The following TRPS1 variants were observed in gnomAD, a reference collection of about 807,000 sequenced individuals.
The protein encoded by TRPS1 is zinc finger transcription factor Trps1.
A neutral mutation model predicts 101.2 loss-of-function variants in TRPS1; 6 were observed. That is an observed-to-expected ratio of 0.06 (90% CI 0.03 to 0.12). The LOEUF (loss-of-function observed/expected upper bound fraction) is 0.12. Among genes scored for constraint, TRPS1 ranks in the 10% least tolerant of loss-of-function variants. The pLI is 1.00. For missense variants in TRPS1, 1,363 were observed against 1,567.0 expected, an observed-to-expected ratio of 0.87 and a Z score of 2.20; for synonymous variants, 578 against 589.8, an observed-to-expected ratio of 0.98 and a Z score of 0.29.
chr8:115,522,960 T>C (rs942688362), intron 5 of TRPS1, among the ~76,000 whole-genome samples: 5 of 152,128 alleles, frequency 3.3e-5, no homozygotes, highest in Non-Finnish European at 5.9e-5. Context: ...TACTTCCATG[T>C]TGATTTAAAA....
At chr8:115,455,737 G>A (rs578097448) in intron 5 of TRPS1, among the ~76,000 whole-genome samples, 4 of 148,318 alleles carry the variant, frequency 2.7e-5, no homozygotes, top group African/African-American at 9.9e-5. Flanking sequence ...TTTTTTCTAT[G>A]CCATATGGCT....
chr8:115,542,611 C>A (rs572100295), intron 5 of TRPS1, among the ~76,000 whole-genome samples: 4 of 152,086 alleles, frequency 2.6e-5, no homozygotes, highest in Non-Finnish European at 5.9e-5. Flanking sequence ...AGGATTTAGG[C>A]GCCGGCCACT....
chr8:115,611,176 TAAAC>T (rs1182795125), intron 3 of TRPS1, among the ~76,000 whole-genome samples: 5 of 143,504 alleles, frequency 3.5e-5, no homozygotes, highest in African/African-American at 1.3e-4. Context: ...ATAGGAAAAA[TAAAC>T]AAGACAAAAT....
intron 5 of TRPS1, chr8:115,511,422 G>A (rs1815580797): frequency 6.6e-6 from 1 of 151,938 alleles, no homozygotes; most frequent in Non-Finnish European, 1.5e-5. Context: ...CTGTTATTGG[G>A]TGTCTATGTC....
intron 3 of TRPS1, among the ~76,000 whole-genome samples, chr8:115,617,554 T>A (rs1367424551): frequency 6.6e-6 from 1 of 152,202 alleles, no homozygotes; most frequent in African/African-American, 2.4e-5. Context: ...TAGATCAGCT[T>A]CCCTCAGAAG....
intron 5 of TRPS1, among the ~76,000 whole-genome samples, chr8:115,442,837 A>C (rs982231887): frequency 6.6e-6 from 1 of 151,840 alleles, no homozygotes; most frequent in Non-Finnish European, 1.5e-5. Flanking sequence ...CACGCCGGTA[A>C]TCCCAGCACT....
At chr8:115,538,336 T>C (rs1302935657) in intron 5 of TRPS1, among the ~76,000 whole-genome samples, 1 of 152,216 alleles carries the variant, frequency 6.6e-6, no homozygotes, top group Non-Finnish European at 1.5e-5. Flanking sequence ...TAATACTGTA[T>C]ATTATTGCAT....
intron 1 of TRPS1, among the ~76,000 whole-genome samples, chr8:115,639,473 T>C (rs1818846018): frequency 6.6e-6 from 1 of 152,178 alleles, no homozygotes. Flanking sequence ...TTCAAAATCA[T>C]TGACTCTTAT....
At chr8:115,422,394 C>T (rs1251697513) in intron 5 of TRPS1, among the ~76,000 whole-genome samples, 2 of 149,166 alleles carry the variant, frequency 1.3e-5, no homozygotes, top group Non-Finnish European at 1.5e-5. Flanking sequence ...TGAGATGGAG[C>T]GTTGCTCTGT....
At chr8:115,453,639 A>C (rs957819581) in intron 5 of TRPS1, among the ~76,000 whole-genome samples, 1 of 151,436 alleles carries the variant, frequency 6.6e-6, no homozygotes, top group Non-Finnish European at 1.5e-5. Flanking sequence ...ACTTAAATCT[A>C]TCAGCAATAA....
At chr8:115,583,856 A>G (rs1200408129) in intron 5 of TRPS1, among the ~76,000 whole-genome samples, 2 of 152,088 alleles carry the variant, frequency 1.3e-5, no homozygotes, top group Admixed American at 6.5e-5. Context: ...CATAAATGAT[A>G]TCATATTGAA....
chr8:115,604,401 A>G lies in TRPS1; in HGVS notation c.1568T>C (p.Phe523Ser). Residue 523 changes from phenylalanine to serine, a missense_variant, in exon 4 of 7, where the codon TTC becomes TCC. Transcript: ENST00000395715. This position sits in a 1 kb window ranked among gnomAD's most constrained non-coding sequence, Gnocchi z 4.1. ...ATTATCCTCGGCTCCCTTGCTGGAGAAGTCCTTCTTTTTAGCCCCACTCGA... is the reference window on the plus strand; with the variant it reads ...ATTATCCTCGGCTCCCTTGCTGGAGGAGTCCTTCTTTTTAGCCCCACTCGA... Reference protein sequence around the residue: ...KSSSGAKKKDFSSKGAEDNMV... With the variant: ...KSSSGAKKKDSSSKGAEDNMV... The G allele has an allele frequency of 6.2e-7, 1 of 1,613,894 alleles. No individual in the cohort carries two copies. Among genetic ancestry groups the G allele is most frequent in the East Asian group, 2.2e-5 (1 of 44,836 alleles).
At chr8:115,450,791 A>T (rs1285201440) in intron 5 of TRPS1, among the ~76,000 whole-genome samples, 1 of 152,222 alleles carries the variant, frequency 6.6e-6, no homozygotes, top group Admixed American at 6.5e-5. Context: ...ACAAATTAAC[A>T]GCAGAGCCTT....
chr8:115,415,210 T>A, intron 6 of TRPS1, 126 bp from the exon 7 acceptor site: 1 of 1,008,608 alleles, frequency 9.9e-7, no homozygotes, highest in African/African-American at 1.6e-5. Flanking sequence ...TGCTGTAGAT[T>A]TACTAAATCT....
intron 5 of TRPS1, among the ~76,000 whole-genome samples, chr8:115,580,994 AG>A (rs1214290392): frequency 3.3e-5 from 5 of 152,190 alleles, no homozygotes; most frequent in African/African-American, 1.2e-4. Flanking sequence ...ATACGGAATC[AG>A]CCTAGGTGTC....
chr8:115,654,656 C>T (rs1811639243), intron 1 of TRPS1, among the ~76,000 whole-genome samples: 1 of 152,080 alleles, frequency 6.6e-6, no homozygotes, highest in Non-Finnish European at 1.5e-5. Flanking sequence ...GTAATACAAA[C>T]TAGCTTCTTA....
rs1425018540 is a variant in TRPS1 at position 115,588,352 on chromosome 8, TTC to T, written c.2097-750_2097-749del. ...AACCCATGATTTTTCTCTAAACAAA[TTC>T]TATCCATCTATGAGAACGTAAACAC... is the stretch of plus-strand genomic sequence containing the variant. On this transcript the variant is annotated intron_variant, in intron 4 of 6. Transcript: ENST00000395715. Among the ~76,000 whole-genome samples, 7 of 152,214 alleles carry T rather than the reference TTC, an allele frequency of 4.6e-5. 1 individual carries two copies. The highest frequency in any genetic ancestry group is 3.3e-4 in the Admixed American group (5 of 15,286).
At chr8:115,446,314 A>AT (rs1008315164) in intron 5 of TRPS1, among the ~76,000 whole-genome samples, 8 of 138,662 alleles carry the variant, frequency 5.8e-5, no homozygotes, top group Non-Finnish European at 7.8e-5. Context: ...TCAAAAAAAT[A>AT]TTTTTTTTTC....
intron 1 of TRPS1, among the ~76,000 whole-genome samples, chr8:115,662,356 A>G (rs754842675): frequency 5.9e-5 from 9 of 152,026 alleles, no homozygotes; most frequent in Non-Finnish European, 7.4e-5. Context: ...AAAAAAATCT[A>G]TCAGGAAGAA....
Sources: gnomAD v4.1 joint callset for allele counts (sites outside exome capture counted in the v4.1 genomes callset) on GRCh38, gnomAD v4.1.1 for gene constraint, Gnocchi (gnomAD v3.1) non-coding constraint, MANE v1.5 for transcripts, NCBI Gene and HGNC (gene_info 2026-07-23, HGNC 2026-07-21) for gene names.